Variants in ERBB4 observed in about 807,000 individuals in gnomAD.
ERBB4 encodes erb-b2 receptor tyrosine kinase 4, also known as receptor tyrosine-protein kinase erbB-4.
A neutral mutation model predicts 158.0 loss-of-function variants in ERBB4; 42 were observed. That is an observed-to-expected ratio of 0.27 (90% CI 0.21 to 0.34). ERBB4 has a LOEUF of 0.34. Ranked by LOEUF, ERBB4 falls within the 10% of genes least tolerant of loss-of-function variation. The probability of loss-of-function intolerance (pLI) is 1.00; values close to 1 mark genes in which losing one functional copy is unlikely to be tolerated. For missense variants in ERBB4, 1,333 were observed against 1,624.1 expected, an observed-to-expected ratio of 0.82 and a Z score of 3.08; for synonymous variants, 583 against 558.7, an observed-to-expected ratio of 1.04 and a Z score of -0.61.
chr2:211,394,954 C>T (rs1311701789), intron 25 of ERBB4, among the ~76,000 whole-genome samples: 3 of 151,734 alleles, frequency 2.0e-5, no homozygotes, highest in Non-Finnish European at 4.4e-5. Flanking sequence ...TTATTTAATC[C>T]TAAAAAGAAG....
chr2:211,736,023 C>G (rs1332137918), intron 5 of ERBB4, among the ~76,000 whole-genome samples: 1 of 151,790 alleles, frequency 6.6e-6, no homozygotes, highest in Non-Finnish European at 1.5e-5. Context: ...AATAGCCAGG[C>G]ATGGTGGTGT....
intron 1 of ERBB4, among the ~76,000 whole-genome samples, chr2:212,468,853 A>G (rs1688975269): frequency 6.6e-6 from 1 of 152,250 alleles, no homozygotes; most frequent in South Asian, 2.1e-4. Context: ...ACAGGACAGG[A>G]TATATTTCCT....
intron 1 of ERBB4, among the ~76,000 whole-genome samples, chr2:212,279,528 T>G (rs1194754048): frequency 6.6e-6 from 1 of 151,632 alleles, no homozygotes; most frequent in African/African-American, 2.4e-5. Context: ...TAAGTTTTCA[T>G]TATGATTCAA....
At chr2:211,411,865 C>T (rs1349487106) in intron 25 of ERBB4, among the ~76,000 whole-genome samples, 3 of 151,874 alleles carry the variant, frequency 2.0e-5, no homozygotes, top group African/African-American at 7.3e-5. Context: ...AAATTGGTGC[C>T]AATAAATGAT....
intron 17 of ERBB4, among the ~76,000 whole-genome samples, chr2:211,626,492 CCTT>C (rs1000228130): frequency 6.6e-6 from 1 of 152,052 alleles, no homozygotes; most frequent in Non-Finnish European, 1.5e-5. Context: ...AAAAATTCCC[CCTT>C]TATTTAGATG....
intron 1 of ERBB4, among the ~76,000 whole-genome samples, chr2:212,262,099 G>A (rs1483421702): frequency 1.3e-5 from 2 of 151,804 alleles, no homozygotes; most frequent in East Asian, 3.9e-4. Flanking sequence ...CCACTTTTTG[G>A]CTGTGTACTC....
At chr2:211,465,343 A>C (rs1157280489) in intron 20 of ERBB4, among the ~76,000 whole-genome samples, 1 of 152,168 alleles carries the variant, frequency 6.6e-6, no homozygotes, top group African/African-American at 2.4e-5. Flanking sequence ...CAATCACAGA[A>C]TCAAGACAAA....
intron 4 of ERBB4, among the ~76,000 whole-genome samples, chr2:211,755,293 A>G (rs781108079): frequency 2.0e-5 from 3 of 152,158 alleles, no homozygotes; most frequent in Non-Finnish European, 4.4e-5. Flanking sequence ...CTTGAGCCCA[A>G]GAGTTCCAAA....
intron 20 of ERBB4, among the ~76,000 whole-genome samples, chr2:211,512,307 C>G (rs2030459): frequency 0.4 from 60,982 of 151,860 alleles, 12,865 homozygotes; most frequent in Non-Finnish European, 0.46. Flanking sequence ...TTAATGTCAT[C>G]CTATATCTTA....
chr2:212,297,279 G>A (rs1032402056), intron 1 of ERBB4, among the ~76,000 whole-genome samples: 1 of 151,988 alleles, frequency 6.6e-6, no homozygotes, highest in Non-Finnish European at 1.5e-5. Flanking sequence ...TAATGTGTGT[G>A]TATGGTACAT....
chr2:212,249,370 CTAGA>C (rs1253268014), intron 1 of ERBB4, among the ~76,000 whole-genome samples: 2 of 145,314 alleles, frequency 1.4e-5, no homozygotes, highest in Non-Finnish European at 3.1e-5. Flanking sequence ...TAGGAAGACT[CTAGA>C]TAATTAAATT....
At chr2:212,239,422 G>A (rs932264308) in intron 1 of ERBB4, among the ~76,000 whole-genome samples, 1 of 152,146 alleles carries the variant, frequency 6.6e-6, no homozygotes, top group Non-Finnish European at 1.5e-5. Context: ...ATGTTACATG[G>A]TACAATTTGT....
chr2:211,464,053 T>C (rs972159304), intron 20 of ERBB4, among the ~76,000 whole-genome samples: 2 of 152,166 alleles, frequency 1.3e-5, no homozygotes, highest in Non-Finnish European at 2.9e-5. Flanking sequence ...ATCTCACATG[T>C]CACTTTCTCC....
rs538534187 is a variant in ERBB4, at chr2:211,837,440, T to C, written c.422-49281A>G. 9.9e-5 allele frequency among the ~76,000 whole-genome samples: 15 copies of C among 152,204 alleles called. No individual in the cohort carries two copies. In the East Asian group the frequency reaches 2.7e-3, roughly 27 times the overall value. On this transcript the variant is annotated intron_variant, in intron 3 of 27. Coordinates refer to ENST00000342788, the MANE Select transcript of ERBB4 (RefSeq NM_005235.3). ...AGCATGAGAGGCTTAATCTAAAGCATAGAGGATTAAGGTTAGATAAAAGGA... is the reference window on the plus strand; with the variant it reads ...AGCATGAGAGGCTTAATCTAAAGCACAGAGGATTAAGGTTAGATAAAAGGA...
chr2:211,382,086 G>A lies in ERBB4; in HGVS notation c.*1529C>T, dbSNP rs147051672. The A allele has an allele frequency of 2.1e-3, 491 of 229,554 alleles. 2 individuals carry two copies. The highest frequency in any genetic ancestry group is 3.2e-3 in the Non-Finnish European group (376 of 115,800). The allele number at this position is 229,554 out of a possible 1,614,324, so 14.2% of individuals were successfully genotyped here. A position where few individuals can be genotyped will look rare whatever the true frequency, so the allele number is the denominator to read the frequency against. On this transcript the variant is annotated 3_prime_UTR_variant, in exon 28 of 28. Coordinates refer to ENST00000342788, the MANE Select transcript of ERBB4 (RefSeq NM_005235.3). ...TAGTGTGTTGGATAATAAAATAATTGCATGAGAAGATGTTTCACATTTATT... is the reference window on the plus strand; with the variant it reads ...TAGTGTGTTGGATAATAAAATAATTACATGAGAAGATGTTTCACATTTATT...
chr2:211,572,848 TCA>T (rs1352696748), intron 19 of ERBB4, among the ~76,000 whole-genome samples: 3 of 152,148 alleles, frequency 2.0e-5, no homozygotes, highest in African/African-American at 4.8e-5. Flanking sequence ...ACCTGTAAAA[TCA>T]CAGATATGGT....
chr2:212,455,672 T>A (rs1401789976), intron 1 of ERBB4, among the ~76,000 whole-genome samples: 1 of 152,018 alleles, frequency 6.6e-6, no homozygotes, highest in Non-Finnish European at 1.5e-5. Flanking sequence ...AGAAAGAAAA[T>A]TCTAAACCTC....
At chr2:212,431,691 A>AC (rs1482957806) in intron 1 of ERBB4, among the ~76,000 whole-genome samples, 2 of 152,028 alleles carry the variant, frequency 1.3e-5, no homozygotes, top group Non-Finnish European at 2.9e-5. Context: ...ATCTCTCATG[A>AC]CCCTTGCATT....
intron 2 of ERBB4, among the ~76,000 whole-genome samples, chr2:212,079,851 T>C (rs1377526266): frequency 6.6e-6 from 1 of 152,104 alleles, no homozygotes; most frequent in East Asian, 1.9e-4. Flanking sequence ...TCTATTTTAT[T>C]CAGATAGATA....
Sources: allele counts gnomAD v4.1 joint callset (sites outside exome capture counted in the v4.1 genomes callset), GRCh38; gene constraint gnomAD v4.1.1; transcripts MANE v1.5; gene names NCBI Gene and HGNC (gene_info 2026-07-23, HGNC 2026-07-21).